The following DAB2IP variants were observed in gnomAD, a reference collection of about 807,000 sequenced individuals.
DAB2IP encodes DAB2 interacting protein.
DAB2IP carries 28 observed loss-of-function variants against 107.2 expected under a neutral mutation model. The ratio of observed to expected loss-of-function variants is 0.26; its 90% CI spans 0.19 to 0.36. The LOEUF (loss-of-function observed/expected upper bound fraction) is 0.36. Ranked by LOEUF, DAB2IP falls within the 10% of genes least tolerant of loss-of-function variation. DAB2IP has a pLI of 1.00. For synonymous variants in DAB2IP, 755 were observed against 706.4 expected (o/e 1.07, Z -1.09); for missense variants, 1,400 against 1,644.7 (o/e 0.85, Z 2.57).
intron 1 of DAB2IP, among the ~76,000 whole-genome samples, chr9:121,592,004 G>T (rs1385806195): frequency 6.6e-6 from 1 of 152,258 alleles, no homozygotes; most frequent in African/African-American, 2.4e-5. Context: ...AGAGATGGAG[G>T]TGGAAATGTA....
chr9:121,655,084 G>T (rs934135522), intron 1 of DAB2IP, among the ~76,000 whole-genome samples: 2 of 152,128 alleles, frequency 1.3e-5, no homozygotes, highest in African/African-American at 4.8e-5. Context: ...TTCCCCATCT[G>T]AAGGATGGGC....
intron 1 of DAB2IP, among the ~76,000 whole-genome samples, chr9:121,600,571 A>C (rs1257156358): frequency 6.6e-6 from 1 of 152,128 alleles, no homozygotes; most frequent in Non-Finnish European, 1.5e-5. Context: ...ATTTTACCTT[A>C]ATTTTGATTG....
chr9:121,572,117 C>T (rs656941), intron 1 of DAB2IP, among the ~76,000 whole-genome samples: 46,628 of 151,996 alleles, frequency 0.31, 7,924 homozygotes, highest in African/African-American at 0.41. Context: ...GGCCTGGCAG[C>T]GGCCAGCATA....
At chr9:121,770,489 A>G (rs1834636237) in intron 10 of DAB2IP, 57 bp from the exon 11 acceptor site, 1 of 1,569,664 alleles carries the variant, frequency 6.4e-7, no homozygotes, top group Admixed American at 1.7e-5. Flanking sequence ...TGCAGCACAT[A>G]CAGCCTACCC....
intron 2 of DAB2IP, among the ~76,000 whole-genome samples, chr9:121,680,438 C>G (rs1435110848): frequency 1.3e-5 from 2 of 152,158 alleles, no homozygotes; most frequent in Non-Finnish European, 2.9e-5. Context: ...GAGGAGGAAG[C>G]CTGCGCTGAG....
chr9:121,751,921 C>G, intron 3 of DAB2IP: 5 of 985,484 alleles, frequency 5.1e-6, no homozygotes, highest in Non-Finnish European at 4.8e-6. Flanking sequence ...CGTGTGTGAC[C>G]TGGATGTCAT....
intron 1 of DAB2IP, among the ~76,000 whole-genome samples, chr9:121,632,460 G>A (rs1252524091): frequency 1.3e-5 from 2 of 152,168 alleles, no homozygotes; most frequent in Non-Finnish European, 2.9e-5. Flanking sequence ...TCTGCAGCTG[G>A]TATCTGAGCA....
Position 121,751,868 on chromosome 9 carries a change from C to T in DAB2IP, c.363-5145C>T, listed in dbSNP as rs541067198. 49 of 930,766 alleles carry T rather than the reference C, an allele frequency of 5.3e-5. No individual in the cohort carries two copies. The South Asian group carries it at 1.7e-3, about 33-fold the overall frequency. The allele number at this position is 930,766 out of a possible 1,614,324, so 57.7% of individuals were successfully genotyped here. A position where few individuals can be genotyped will look rare whatever the true frequency, so the allele number is the denominator to read the frequency against. Reference sequence around the variant, plus strand: ...CCCTGGCCAAGCTCCTCTGTAGCAGCGGAGTCCAGGGCAGGTCACCCTAGC... The same window carrying T: ...CCCTGGCCAAGCTCCTCTGTAGCAGTGGAGTCCAGGGCAGGTCACCCTAGC... On this transcript the variant is annotated intron_variant, in intron 3 of 15. Coordinates refer to ENST00000408936, the Ensembl canonical transcript of DAB2IP.
intron 3 of DAB2IP, among the ~76,000 whole-genome samples, chr9:121,715,496 GCACC>G (rs781167622): frequency 4.0e-5 from 6 of 151,788 alleles, no homozygotes; most frequent in Admixed American, 2.0e-4. Context: ...GGGACTACAG[GCACC>G]TACCACCACA....
At position 121,714,453 on chromosome 9, in the gene DAB2IP, A is replaced by G. The variant is rs538852025; in HGVS notation, c.362+14995A>G. ...CAAGGCCGAGTCCTGAGCAGCAGGGAGACAGGCAGGCAGCTATTGGCGCTG... is the reference window on the plus strand; with the variant it reads ...CAAGGCCGAGTCCTGAGCAGCAGGGGGACAGGCAGGCAGCTATTGGCGCTG... On this transcript the variant is annotated intron_variant, in intron 3 of 15. Coordinates refer to ENST00000408936, the Ensembl canonical transcript of DAB2IP. Among the ~76,000 whole-genome samples, 3 of 152,350 alleles carry G rather than the reference A, an allele frequency of 2.0e-5. No individual in the cohort carries two copies. The South Asian group carries it at 6.2e-4, about 32-fold the overall frequency.
Position 121,699,440 on chromosome 9 carries a change from C to A in DAB2IP, c.344C>A (p.Ala115Asp). The A allele has an allele frequency of 6.9e-7, 1 of 1,441,768 alleles. No homozygotes were observed. Among genetic ancestry groups the A allele is most frequent in the Non-Finnish European group, 9.2e-7 (1 of 1,085,292 alleles). The allele number at this position is 1,441,768 out of a possible 1,614,324, so 89.3% of individuals were successfully genotyped here. ...CCGGGGTTCCGGAGCGCCGCCGCCG[C>A]CGCCGCGGACAATGAGAGGTGAGCC... Residue 115 changes from alanine to aspartate, a missense_variant, in exon 3 of 16, where the codon GCC (alanine) becomes GAC (aspartate). By Grantham distance (126) the Ala-to-Asp change is moderately radical (BLOSUM62 -2). Around this residue, in one of 3 missense-constraint regions of DAB2IP, gnomAD observed 283 missense variants for 237.0 expected, o/e 1.19. Transcript: ENST00000408936. The surrounding 1 kb of genome is among the most constrained non-coding windows in gnomAD (Gnocchi z 6.2).
intron 2 of DAB2IP, among the ~76,000 whole-genome samples, chr9:121,685,312 C>T (rs570984050): frequency 2.6e-5 from 4 of 152,118 alleles, no homozygotes; most frequent in South Asian, 2.1e-4. Flanking sequence ...AGGAGTTGTC[C>T]GGGGTGGCCA....
chr9:121,709,943 C>T lies in DAB2IP; in HGVS notation c.362+10485C>T, dbSNP rs10985357. 2.2e-4 allele frequency among the ~76,000 whole-genome samples: 34 copies of T among 152,324 alleles called. 1 individual carries two copies. The East Asian group carries it at 2.7e-3, about 12-fold the overall frequency. On this transcript the variant is annotated intron_variant, in intron 3 of 15. Transcript: ENST00000408936. ...CTGACATGGCTGGGCACATCCTATG[C>T]GCCAGGCCCTGCTCTCTACACTTCA...
chr9:121,591,656 GC>G (rs1830424755), intron 1 of DAB2IP, among the ~76,000 whole-genome samples: 1 of 152,226 alleles, frequency 6.6e-6, no homozygotes, highest in Admixed American at 6.5e-5. Flanking sequence ...ATGGAGAGGG[GC>G]CAGGTGGATG....
intron 1 of DAB2IP, among the ~76,000 whole-genome samples, chr9:121,629,685 G>A (rs527899167): frequency 6.6e-6 from 1 of 152,174 alleles, no homozygotes; most frequent in South Asian, 2.1e-4. Context: ...CTTCTGCTAA[G>A]CTCACCCCAC....
intron 10 of DAB2IP, among the ~76,000 whole-genome samples, chr9:121,769,879 C>CTGTT (rs1834572016): frequency 6.6e-6 from 1 of 152,256 alleles, no homozygotes; most frequent in African/African-American, 2.4e-5. Context: ...TGAAACTCAA[C>CTGTT]TGTTTGCCTC....
At chr9:121,647,406 C>T (rs147155924), upstream of DAB2IP, among the ~76,000 whole-genome samples, 1 of 152,282 alleles carries the variant, frequency 6.6e-6, no homozygotes, top group African/African-American at 2.4e-5. Context: ...TGACTTCAAC[C>T]CTGACACCGC....
intron 2 of DAB2IP, among the ~76,000 whole-genome samples, chr9:121,692,982 C>T (rs978466545): frequency 6.6e-6 from 1 of 152,226 alleles, no homozygotes; most frequent in Non-Finnish European, 1.5e-5. Context: ...CTGGCCCTGG[C>T]AGCTGCTCTG....
chr9:121,680,472 G>A (rs1289278360), intron 2 of DAB2IP, among the ~76,000 whole-genome samples: 2 of 152,176 alleles, frequency 1.3e-5, no homozygotes, highest in Non-Finnish European at 2.9e-5. Context: ...ATGGCCCTGA[G>A]TTTGGCCAGG....
Sources: allele counts gnomAD v4.1 joint callset (sites outside exome capture counted in the v4.1 genomes callset), GRCh38; gene constraint gnomAD v4.1.1; regional missense constraint gnomAD v4.1.1; non-coding constraint Gnocchi (gnomAD v3.1); transcripts MANE v1.5; gene names NCBI Gene and HGNC (gene_info 2026-07-23, HGNC 2026-07-21).